The following CRTAP variants were observed in gnomAD, a reference collection of about 807,000 sequenced individuals.
CRTAP encodes the protein cartilage-associated protein.
A neutral mutation model predicts 42.7 loss-of-function variants in CRTAP; 33 were observed. The ratio of observed to expected loss-of-function variants is 0.77; its 90% CI spans 0.59 to 1.03. The LOEUF is 1.03. Ranked by LOEUF, CRTAP falls within the 50% of genes least tolerant of loss-of-function variation. The pLI is 0.00. For missense variants in CRTAP, 613 were observed against 533.9 expected (o/e 1.15, Z -1.46); for synonymous variants, 243 against 217.7 (o/e 1.12, Z -1.02).
Position 33,134,250 on chromosome 3 carries a change from A to T in CRTAP, c.1137A>T (p.Ile379=). 2 of 1,607,710 alleles carry T rather than the reference A, an allele frequency of 1.2e-6. No individual in the cohort carries two copies. The highest frequency in any genetic ancestry group is 1.7e-6 in the Non-Finnish European group (2 of 1,174,162). Residue 379 remains isoleucine (I), a synonymous_variant, in exon 6 of 7, where the codon ATA becomes ATT. Coordinates refer to ENST00000320954, the MANE Select transcript of CRTAP (RefSeq NM_006371.5). ...TGTATGACTTTGCTAAGGAAAATAT[A>T]ATGGATGATGATGAGGTAAGTTTTC... The part of the protein sequence containing the change: ...KELYDFAKEN[I]MDDDEGEVVE...
At chr3:33,129,659 T>G (rs552921654) in intron 3 of CRTAP, among the ~76,000 whole-genome samples, 1 of 147,936 alleles carries the variant, frequency 6.8e-6, no homozygotes, top group South Asian at 2.2e-4. Context: ...TGCCTCAGCC[T>G]CCTGAGTAGC....
intron 2 of CRTAP, among the ~76,000 whole-genome samples, 163 bp downstream of exon 2, chr3:33,120,656 A>G (rs1396768853): frequency 6.6e-6 from 1 of 152,256 alleles, no homozygotes; most frequent in African/African-American, 2.4e-5. Context: ...AAAGTGATCC[A>G]TTTAATAATG....
chr3:33,147,635 G>C lies in CRTAP; in HGVS notation c.*5187G>C, dbSNP rs918756250. On this transcript the variant is annotated 3_prime_UTR_variant, in exon 7 of 7. Coordinates refer to ENST00000320954, the MANE Select transcript of CRTAP (RefSeq NM_006371.5). ...AGTAGGCCAAACTCCAAAGACCGTT[G>C]CTGATGTCTTTTTCTGCCTCCCCTC... The C allele has an allele frequency of 6.6e-6, 1 of 152,218 alleles. No homozygotes were observed. The highest frequency in any genetic ancestry group is 1.5e-5 in the Non-Finnish European group (1 of 68,044). 9.4% of individuals were successfully genotyped at this position (152,218 alleles called of 1,614,324 possible). A position where few individuals can be genotyped will look rare whatever the true frequency, so the allele number is the denominator to read the frequency against.
chr3:33,137,756 C>T (rs1418702586), intron 6 of CRTAP, among the ~76,000 whole-genome samples: 2 of 152,152 alleles, frequency 1.3e-5, no homozygotes, highest in African/African-American at 4.8e-5. Context: ...TGTGTCATAT[C>T]TAAGAAACCA....
rs147653763 is a variant in CRTAP, at chr3:33,121,410, T to C, written c.621+917T>C. 9.0e-4 allele frequency among the ~76,000 whole-genome samples: 122 copies of C among 135,010 alleles called. 1 individual carries two copies. In the East Asian group the frequency reaches 0.024, roughly 27 times the overall value. 88.6% of individuals were successfully genotyped at this position (135,010 alleles called of 152,430 possible). Reference sequence around the variant, plus strand: ...CTGGGCGACAGAGCGAGACTCTGTCTCAAAAAAAATGAAAGAAAATGGGGA... The same window carrying C: ...CTGGGCGACAGAGCGAGACTCTGTCCCAAAAAAAATGAAAGAAAATGGGGA... On this transcript the variant is annotated intron_variant, in intron 2 of 6. Transcript: ENST00000320954.
At position 33,120,011 on chromosome 3, in the gene CRTAP, A is replaced by G. The variant is rs114890503; in HGVS notation, c.472-333A>G. Among the ~76,000 whole-genome samples, 234 of 152,294 alleles carry G rather than the reference A, an allele frequency of 1.5e-3. 2 individuals are homozygous for G. Among genetic ancestry groups the G allele is most frequent in the Non-Finnish European group, 2.2e-3 (149 of 68,010 alleles). ...ACTCTCTTCCCTTCCTCAGTCATCTACTGGGGCTCCTCATGGGTGAACCTC... is the reference window on the plus strand; with the variant it reads ...ACTCTCTTCCCTTCCTCAGTCATCTGCTGGGGCTCCTCATGGGTGAACCTC... On this transcript the variant is annotated intron_variant, in intron 1 of 6. Transcript: ENST00000320954.
rs4678478 is a variant in CRTAP at position 33,146,339 on chromosome 3, C to T, written c.*3891C>T. On this transcript the variant is annotated 3_prime_UTR_variant, in exon 7 of 7. Coordinates refer to ENST00000320954, the MANE Select transcript of CRTAP (RefSeq NM_006371.5). ...GCAGGCTGGTGGGGAGGCCGCCCAT[C>T]GTGGTGGGGCATCTGTCCAGCCCCA... 0.23 allele frequency: 35,254 copies of T among 152,290 alleles called. 5,054 individuals are homozygous for T. The highest frequency in any genetic ancestry group is 0.54 in the East Asian group (2,772 of 5,152). 9.4% of individuals were successfully genotyped at this position (152,290 alleles called of 1,614,324 possible). A position where few individuals can be genotyped will look rare whatever the true frequency, so the allele number is the denominator to read the frequency against.
intron 6 of CRTAP, among the ~76,000 whole-genome samples, 175 bp downstream of exon 6, chr3:33,134,440 G>A (rs569416298): frequency 5.2e-4 from 79 of 152,294 alleles, no homozygotes; most frequent in African/African-American, 1.7e-3. Context: ...GGGAAAGAGC[G>A]GCTTTCTAGG....
intron 1 of CRTAP, among the ~76,000 whole-genome samples, chr3:33,117,883 G>T (rs1358662724): frequency 1.3e-5 from 2 of 152,236 alleles, no homozygotes; most frequent in African/African-American, 4.8e-5. Context: ...TTCAGGAAGA[G>T]ATTCCGTTTT....
intron 3 of CRTAP, among the ~76,000 whole-genome samples, chr3:33,125,642 C>T (rs2030043511): frequency 6.6e-6 from 1 of 152,008 alleles, no homozygotes; most frequent in Non-Finnish European, 1.5e-5. Context: ...CTTGAGCTTC[C>T]TCTAATTCCC....
Position 33,145,274 on chromosome 3 carries a change from C to T in CRTAP, c.*2826C>T, listed in dbSNP as rs1312308606. 1 of 152,400 alleles carries T rather than the reference C, an allele frequency of 6.6e-6. No individual in the cohort carries two copies. The highest frequency in any genetic ancestry group is 1.5e-5 in the Non-Finnish European group (1 of 68,128). The allele number at this position is 152,400 out of a possible 1,614,324, so 9.4% of individuals were successfully genotyped here. On this transcript the variant is annotated 3_prime_UTR_variant, in exon 7 of 7. Coordinates refer to ENST00000320954, the MANE Select transcript of CRTAP (RefSeq NM_006371.5). This position sits in a 1 kb window ranked among gnomAD's most constrained non-coding sequence, Gnocchi z 4.3. ...ACCCACCCAGGACAGTCCCCTACCA[C>T]TTCTGTCTTGGGCTGAAGTTGCCCA... is the stretch of plus-strand genomic sequence containing the variant.
Position 33,133,936 on chromosome 3 carries a change from C to A in CRTAP, c.1069-246C>A, listed in dbSNP as rs34970981. 0.065 allele frequency among the ~76,000 whole-genome samples: 9,875 copies of A among 152,222 alleles called. 450 individuals are homozygous for A. Among genetic ancestry groups the A allele is most frequent in the Non-Finnish European group, 0.099 (6,759 of 67,998 alleles). On this transcript the variant is annotated intron_variant, in intron 5 of 6. Transcript: ENST00000320954. Reference sequence around the variant, plus strand: ...GCCATCTTGATTTTCATAAGTTTGTCTTCCACTGAGGGCTGGCCACTCTTT... The same window carrying A: ...GCCATCTTGATTTTCATAAGTTTGTATTCCACTGAGGGCTGGCCACTCTTT...
At chr3:33,135,337 G>A (rs1376356520) in intron 6 of CRTAP, among the ~76,000 whole-genome samples, 2 of 152,172 alleles carry the variant, frequency 1.3e-5, no homozygotes, top group Admixed American at 6.5e-5. Flanking sequence ...GGTTTACAAA[G>A]TATAGCAGAG....
intron 1 of CRTAP, among the ~76,000 whole-genome samples, chr3:33,118,378 T>C (rs1478995568): frequency 6.6e-6 from 1 of 152,224 alleles, no homozygotes; most frequent in Admixed American, 6.5e-5. Flanking sequence ...CTAGCCTTTT[T>C]CTGGCCAGGA....
At chr3:33,131,663 C>A (rs978514566) in intron 4 of CRTAP, among the ~76,000 whole-genome samples, 1 of 152,088 alleles carries the variant, frequency 6.6e-6, no homozygotes, top group Admixed American at 6.5e-5. Flanking sequence ...TGAAAATCTG[C>A]CCCGTTTTGA....
At chr3:33,131,094 C>T (rs753531507) in intron 4 of CRTAP, among the ~76,000 whole-genome samples, 10 of 152,100 alleles carry the variant, frequency 6.6e-5, no homozygotes, top group Non-Finnish European at 1.3e-4. Flanking sequence ...CTTCCTCTGC[C>T]CTAATGAAAT....
At chr3:33,117,699 G>A (rs1575513906) in intron 1 of CRTAP, among the ~76,000 whole-genome samples, 1 of 152,166 alleles carries the variant, frequency 6.6e-6, no homozygotes, top group Non-Finnish European at 1.5e-5. Context: ...GGCTGATTTA[G>A]GGTGGCTCAT....
chr3:33,120,532 G>A (rs2029869138), intron 2 of CRTAP, 39 bp downstream of exon 2: 1 of 1,567,232 alleles, frequency 6.4e-7, no homozygotes, highest in Non-Finnish European at 8.7e-7. Context: ...GTGGCAACCT[G>A]GACTGTTAAA....
In CRTAP at chr3:33,147,538, G is replaced by T. The variant is rs1374991353; in HGVS notation, c.*5090G>T. On this transcript the variant is annotated 3_prime_UTR_variant, in exon 7 of 7. Transcript: ENST00000320954. ...TCATTTTACAAGAAGAGAATAGGAA[G>T]GAATTAAGCAATTTGGCCAACAGAT... is the stretch of plus-strand genomic sequence containing the variant. The T allele has an allele frequency of 6.6e-6, 1 of 152,156 alleles. No homozygotes were observed. Among genetic ancestry groups the T allele is most frequent in the Non-Finnish European group, 1.5e-5 (1 of 68,028 alleles). The allele number at this position is 152,156 out of a possible 1,614,324, so 9.4% of individuals were successfully genotyped here.
Sources: allele counts gnomAD v4.1 joint callset (sites outside exome capture counted in the v4.1 genomes callset), GRCh38; gene constraint gnomAD v4.1.1; non-coding constraint Gnocchi (gnomAD v3.1); transcripts MANE v1.5; gene names NCBI Gene and HGNC (gene_info 2026-07-23, HGNC 2026-07-21).